NPAS3: variants seen among roughly 807,000 people sequenced by gnomAD.
NPAS3 encodes neuronal PAS domain-containing protein 3.
In NPAS3, 14 loss-of-function variants were observed where a neutral mutation model predicts 73.1. The observed-to-expected ratio is 0.19, with a 90% CI of 0.13 to 0.30. The LOEUF (loss-of-function observed/expected upper bound fraction) is 0.30. Ranked by LOEUF, NPAS3 falls within the 10% of genes least tolerant of loss-of-function variation. The pLI, the probability that NPAS3 is intolerant of heterozygous loss-of-function variation, is 1.00. For missense variants in NPAS3, 1,096 were observed against 1,250.0 expected (o/e 0.88, Z 1.86); for synonymous variants, 620 against 541.5 (o/e 1.14, Z -2.01).
rs577617976 is a variant in NPAS3, at chr14:33,577,939, A to G, written c.558+17729A>G. Reference sequence around the variant, plus strand: ...CCTCCCCCCAATTCCAAAGGCAAATAAAAAGGAGTCTTAGTGGCCACATCT... The same window carrying G: ...CCTCCCCCCAATTCCAAAGGCAAATGAAAAGGAGTCTTAGTGGCCACATCT... On this transcript the variant is annotated intron_variant, in intron 5 of 11. Transcript: ENST00000356141. 2.0e-5 allele frequency among the ~76,000 whole-genome samples: 3 copies of G among 152,340 alleles called. No homozygotes were observed. In the South Asian group the frequency reaches 6.2e-4, roughly 32 times the overall value.
At chr14:33,677,697 A>G (rs1198156225) in intron 6 of NPAS3, among the ~76,000 whole-genome samples, 1 of 151,976 alleles carries the variant, frequency 6.6e-6, no homozygotes, top group African/African-American at 2.4e-5. Flanking sequence ...AGTTAACTGT[A>G]GTTTCTAGGG....
At chr14:33,644,090 C>A (rs1048998601) in intron 5 of NPAS3, among the ~76,000 whole-genome samples, 1 of 152,144 alleles carries the variant, frequency 6.6e-6, no homozygotes, top group African/African-American at 2.4e-5. Context: ...TTGTGTCACT[C>A]GCTCTTCTTT....
At chr14:33,449,051 C>T (rs2049661211) in intron 4 of NPAS3, among the ~76,000 whole-genome samples, 1 of 152,210 alleles carries the variant, frequency 6.6e-6, no homozygotes, top group South Asian at 2.1e-4. Context: ...TCTGGGCAGA[C>T]ACTCAAGGAG....
At chr14:33,606,129 T>A (rs1428374455) in intron 5 of NPAS3, among the ~76,000 whole-genome samples, 1 of 151,954 alleles carries the variant, frequency 6.6e-6, no homozygotes, top group Non-Finnish European at 1.5e-5. Context: ...TGTGCAGGTT[T>A]GTTACATACG....
upstream of NPAS3, among the ~76,000 whole-genome samples, chr14:32,938,014 C>T (rs1166212793): frequency 6.6e-6 from 1 of 152,110 alleles, no homozygotes; most frequent in African/African-American, 2.4e-5. Context: ...GGGCTAGATC[C>T]CAGAGGGTGG....
intron 4 of NPAS3, among the ~76,000 whole-genome samples, chr14:33,422,135 G>A (rs186390622): frequency 1.9e-3 from 282 of 151,948 alleles, no homozygotes; most frequent in Non-Finnish European, 3.4e-3. Flanking sequence ...ACTGAGCAGC[G>A]GCCAAGACTA....
intron 6 of NPAS3, among the ~76,000 whole-genome samples, chr14:33,713,019 T>G: frequency 6.6e-6 from 1 of 152,182 alleles, no homozygotes. Context: ...TCCTCCCAAT[T>G]ATCCCAGAGT....
chr14:33,175,620 T>C (rs2045558826), intron 2 of NPAS3, among the ~76,000 whole-genome samples: 1 of 152,212 alleles, frequency 6.6e-6, no homozygotes. Context: ...TTTTGTGTTT[T>C]AATAAGTGGC....
chr14:33,339,012 G>A (rs2044352949), intron 3 of NPAS3, among the ~76,000 whole-genome samples: 1 of 152,050 alleles, frequency 6.6e-6, no homozygotes, highest in Non-Finnish European at 1.5e-5. Context: ...TTGCTTACTG[G>A]GATTTTGTGC....
At chr14:33,329,546 T>C (rs938727146) in intron 3 of NPAS3, among the ~76,000 whole-genome samples, 2 of 151,946 alleles carry the variant, frequency 1.3e-5, no homozygotes. Context: ...AAAACTAACT[T>C]GGTGTCTTCC....
chr14:33,495,983 G>C (rs532711382), intron 4 of NPAS3, among the ~76,000 whole-genome samples: 1 of 152,084 alleles, frequency 6.6e-6, no homozygotes, highest in East Asian at 1.9e-4. Flanking sequence ...AAAGAAAGGA[G>C]AATCAAATAG....
intron 2 of NPAS3, among the ~76,000 whole-genome samples, chr14:33,158,914 G>C (rs1299014130): frequency 6.6e-6 from 1 of 152,166 alleles, no homozygotes; most frequent in Non-Finnish European, 1.5e-5. Flanking sequence ...TGTAATCCCA[G>C]CACTTTGAGA....
chr14:33,323,408 A>G (rs575574688), intron 3 of NPAS3, among the ~76,000 whole-genome samples: 18 of 152,350 alleles, frequency 1.2e-4, no homozygotes, highest in African/African-American at 4.1e-4. Context: ...AGTAGCAGAG[A>G]AAAATTTTTG....
chr14:33,282,800 C>A (rs541200985), intron 3 of NPAS3, among the ~76,000 whole-genome samples: 2 of 152,248 alleles, frequency 1.3e-5, no homozygotes, highest in East Asian at 3.9e-4. Context: ...TTATTTCAGT[C>A]CATCTGAATG....
chr14:33,697,174 A>T (rs1426365618), intron 6 of NPAS3, among the ~76,000 whole-genome samples: 1 of 152,196 alleles, frequency 6.6e-6, no homozygotes, highest in Non-Finnish European at 1.5e-5. Flanking sequence ...CCAACCCTGG[A>T]TATCCAGATG....
chr14:33,461,232 G>A (rs2050250603), intron 4 of NPAS3, among the ~76,000 whole-genome samples: 1 of 152,144 alleles, frequency 6.6e-6, no homozygotes, highest in Non-Finnish European at 1.5e-5. Flanking sequence ...TAGGAATTCA[G>A]TGCTGAGCTA....
Position 33,800,611 on chromosome 14 carries a change from CGGGGGCGGCGGCGCG to C in NPAS3, c.2317_2331del (p.Ala773_Gly777del), listed in dbSNP as rs534645214. 1,061 of 1,331,880 alleles carry C rather than the reference CGGGGGCGGCGGCGCG, an allele frequency of 8.0e-4. 10 individuals are homozygous for C. Among genetic ancestry groups the C allele is most frequent in the African/African-American group, 4.6e-3 (295 of 64,266 alleles). 82.5% of individuals were successfully genotyped at this position (1,331,880 alleles called of 1,614,324 possible). A position where few individuals can be genotyped will look rare whatever the true frequency, so the allele number is the denominator to read the frequency against. On this transcript the variant is annotated inframe_deletion, in exon 12 of 12. Coordinates refer to ENST00000356141, the Ensembl canonical transcript of NPAS3. This position sits in a 1 kb window ranked among gnomAD's most constrained non-coding sequence, Gnocchi z 6.5. The stretch of plus-strand genomic sequence containing the variant: ...CCGGGAACGGCGGCGGGGGCGGGGG[CGGGGGCGGCGGCGCG>C]GGGGGCGGCGGCCCCAGCGCGTCCA...
chr14:33,101,453 C>T lies in NPAS3; in HGVS notation c.140+45459C>T, dbSNP rs1446689706. ...GTAAACCCTGACTAGAAAAGGGTGG[C>T]ACAGGTTTGCTGATTGTACATGTAG... On this transcript the variant is annotated intron_variant, in intron 2 of 11. Transcript: ENST00000356141. Among the ~76,000 whole-genome samples, 3 of 152,080 alleles carry T rather than the reference C, an allele frequency of 2.0e-5. No homozygotes were observed. In the East Asian group the frequency reaches 5.8e-4, roughly 29 times the overall value.
chr14:33,735,705 C>T lies in NPAS3; in HGVS notation c.852+373C>T, dbSNP rs544636592. Among the ~76,000 whole-genome samples, 230 of 152,180 alleles carry T rather than the reference C, an allele frequency of 1.5e-3. 1 individual carries two copies. Among genetic ancestry groups the T allele is most frequent in the African/African-American group, 5.3e-3 (221 of 41,524 alleles). Reference sequence around the variant, plus strand: ...AGAGTTCCACTTCTCTCGCTTTCCCCTTCAAATTCTCCCTTTCTCTTTACA... The same window carrying T: ...AGAGTTCCACTTCTCTCGCTTTCCCTTTCAAATTCTCCCTTTCTCTTTACA... On this transcript the variant is annotated intron_variant, in intron 7 of 11. Coordinates refer to ENST00000356141, the Ensembl canonical transcript of NPAS3.
Sources: allele counts gnomAD v4.1 joint callset (sites outside exome capture counted in the v4.1 genomes callset), GRCh38; gene constraint gnomAD v4.1.1; non-coding constraint Gnocchi (gnomAD v3.1); transcripts MANE v1.5; gene names NCBI Gene and HGNC (gene_info 2026-07-23, HGNC 2026-07-21).